Variants in TMIGD1 observed in about 807,000 individuals in gnomAD.
TMIGD1 encodes transmembrane and immunoglobulin domain-containing protein 1.
TMIGD1 carries 29 observed loss-of-function variants against 27.5 expected under a neutral mutation model. The ratio of observed to expected loss-of-function variants is 1.05; its 90% confidence interval spans 0.78 to 1.44. The LOEUF (loss-of-function observed/expected upper bound fraction) is 1.44, where lower values mean the gene tolerates loss of function less well. Among genes scored for constraint, TMIGD1 ranks in the 40% most tolerant of loss-of-function variants. The probability of loss-of-function intolerance (pLI) is 0.00; values close to 1 mark genes in which losing one functional copy is unlikely to be tolerated. For synonymous variants in TMIGD1, 109 were observed against 110.3 expected, an observed-to-expected ratio of 0.99 and a Z score of 0.07; for missense variants, 334 against 310.6, an observed-to-expected ratio of 1.08 and a Z score of -0.57.
chr17:30,325,185 T>C (rs531791627), intron 3 of TMIGD1, 91 bp from the exon 4 acceptor site: 7 of 1,383,026 alleles, frequency 5.1e-6, no homozygotes, highest in Non-Finnish European at 6.9e-6. Context: ...TCTCATGTGG[T>C]CATTTATTCA....
chr17:30,317,502 T>A (rs1909454772), intron 5 of TMIGD1, among the ~76,000 whole-genome samples: 2 of 152,166 alleles, frequency 1.3e-5, no homozygotes, highest in African/African-American at 4.8e-5. Context: ...CTCACACCTG[T>A]AATCCCAGAA....
At chr17:30,321,906 G>A (rs921875566) in intron 4 of TMIGD1, among the ~76,000 whole-genome samples, 4 of 152,100 alleles carry the variant, frequency 2.6e-5, no homozygotes, top group African/African-American at 9.7e-5. Context: ...ATGGCTCACT[G>A]CAGCGTCGAC....
At chr17:30,322,267 C>T (rs1909643762) in intron 4 of TMIGD1, among the ~76,000 whole-genome samples, 1 of 152,198 alleles carries the variant, frequency 6.6e-6, no homozygotes, top group Admixed American at 6.5e-5. Flanking sequence ...AAACTTTGCT[C>T]AGGGAGCCTT....
In TMIGD1 at chr17:30,325,028, C is replaced by A. The variant is rs141569425; in HGVS notation, c.428G>T (p.Cys143Phe). 232 of 1,613,962 alleles carry A rather than the reference C, an allele frequency of 1.4e-4. No homozygotes were observed. Among genetic ancestry groups the A allele is most frequent in the Middle Eastern group, 3.3e-4 (2 of 6,082 alleles). ...AGCCTGGGGGTTGGCTTTCACATTGCAAACCAACTTCACATTACTGCCTTC... is the reference window on the plus strand; with the variant it reads ...AGCCTGGGGGTTGGCTTTCACATTGAAAACCAACTTCACATTACTGCCTTC... ...VEEGSNVKLV[C>F]NVKANPQAQM... is the part of the protein sequence containing the mutation. Residue 143 changes from cysteine to phenylalanine, a missense_variant, in exon 4 of 7, where the codon TGC (cysteine) becomes TTC (phenylalanine). Cys to Phe is a radical substitution (Grantham distance 205). Coordinates refer to ENST00000328886, the MANE Select transcript of TMIGD1 (RefSeq NM_206832.3).
chr17:30,331,732 G>T (rs1482748139), intron 2 of TMIGD1, among the ~76,000 whole-genome samples: 1 of 152,106 alleles, frequency 6.6e-6, no homozygotes, highest in Non-Finnish European at 1.5e-5. Context: ...GGAACTACAG[G>T]CGCCTGCCAG....
At chr17:30,322,361 G>A (rs940975372) in intron 4 of TMIGD1, among the ~76,000 whole-genome samples, 2 of 152,044 alleles carry the variant, frequency 1.3e-5, no homozygotes, top group African/African-American at 4.8e-5. Flanking sequence ...CCCTCTATTT[G>A]CAAGATATCA....
chr17:30,331,908 A>T (rs1909991024), intron 2 of TMIGD1, 144 bp downstream of exon 2: 1 of 577,916 alleles, frequency 1.7e-6, no homozygotes. Flanking sequence ...TTTTATTGTT[A>T]GTTGACTCCT....
chr17:30,320,107 G>A (rs1361951985), intron 4 of TMIGD1, among the ~76,000 whole-genome samples: 4 of 151,160 alleles, frequency 2.6e-5, no homozygotes, highest in East Asian at 3.9e-4. Flanking sequence ...GTGCAATCTC[G>A]GCTCACTGCA....
Position 30,329,905 on chromosome 17 carries a change from T to C in TMIGD1, c.83-376A>G, listed in dbSNP as rs549594032. ...GGGTAACATAGTGAGACTCCGTCTC[T>C]ACAAAAAATAAAAAAATAAAAAAAA... On this transcript the variant is annotated intron_variant, in intron 2 of 6. Transcript: ENST00000328886. Among the ~76,000 whole-genome samples, 45 of 138,400 alleles carry C rather than the reference T, an allele frequency of 3.3e-4. 1 individual carries two copies. The South Asian group carries it at 9.5e-3, about 29-fold the overall frequency. 90.8% of individuals were successfully genotyped at this position (138,400 alleles called of 152,430 possible). A position where few individuals can be genotyped will look rare whatever the true frequency, so the allele number is the denominator to read the frequency against.
At chr17:30,333,046 A>G (rs1910033225) in intron 1 of TMIGD1, among the ~76,000 whole-genome samples, 1 of 152,126 alleles carries the variant, frequency 6.6e-6, no homozygotes, top group Non-Finnish European at 1.5e-5. Flanking sequence ...ATTTGAACCC[A>G]GACTCCCAAG....
chr17:30,331,185 A>T (rs1348067383), intron 2 of TMIGD1, among the ~76,000 whole-genome samples: 1 of 152,212 alleles, frequency 6.6e-6, no homozygotes. Flanking sequence ...ACAAAGTGAG[A>T]CTTCTTCTCA....
chr17:30,319,781 T>C (rs1909556968), intron 4 of TMIGD1, among the ~76,000 whole-genome samples: 1 of 151,952 alleles, frequency 6.6e-6, no homozygotes. Context: ...TGGGGAGCCT[T>C]GTACCTGTAC....
intron 3 of TMIGD1, among the ~76,000 whole-genome samples, chr17:30,328,068 A>G (rs1394490516): frequency 2.1e-5 from 3 of 146,182 alleles, no homozygotes; most frequent in African/African-American, 7.6e-5. Flanking sequence ...TGGGTCTCAC[A>G]CTGTTGCCCA....
At position 30,322,017 on chromosome 17, in the gene TMIGD1, C is replaced by T. The variant is rs141476984; in HGVS notation, c.640+2799G>A. 4.5e-4 allele frequency among the ~76,000 whole-genome samples: 68 copies of T among 152,222 alleles called. 1 individual carries two copies. The Middle Eastern group carries it at 0.01, about 23-fold the overall frequency. On this transcript the variant is annotated intron_variant, in intron 4 of 6. Coordinates refer to ENST00000328886, the MANE Select transcript of TMIGD1 (RefSeq NM_206832.3). ...TTAATTTTTTGATTTGATGTAGAGA[C>T]AGGGTTCCAATATGTTGCCCAGGCT...
chr17:30,316,967 C>T, intron 6 of TMIGD1: 1 of 628,320 alleles, frequency 1.6e-6, no homozygotes, highest in Non-Finnish European at 2.8e-6. Context: ...TGGGCAAACT[C>T]ACTTAAAGAG....
chr17:30,329,006 AAAAAG>A (rs976309264), intron 3 of TMIGD1, among the ~76,000 whole-genome samples: 5 of 147,450 alleles, frequency 3.4e-5, no homozygotes, highest in Admixed American at 7.0e-5. Flanking sequence ...AAGAAAAAGA[AAAAAG>A]AAAAGAAAAG....
intron 3 of TMIGD1, among the ~76,000 whole-genome samples, chr17:30,328,098 C>T (rs2143172471): frequency 6.7e-6 from 1 of 149,688 alleles, no homozygotes; most frequent in South Asian, 2.1e-4. Context: ...GCAGTGGTGG[C>T]ATCTCAGCTC....
chr17:30,327,536 T>C (rs1399908628), intron 3 of TMIGD1, among the ~76,000 whole-genome samples: 2 of 151,914 alleles, frequency 1.3e-5, no homozygotes, highest in African/African-American at 4.8e-5. Context: ...TTAGTTTCCT[T>C]AGCTGGCTTT....
intron 3 of TMIGD1, among the ~76,000 whole-genome samples, chr17:30,328,188 C>T (rs771227053): frequency 1.2e-4 from 18 of 152,052 alleles, no homozygotes; most frequent in Non-Finnish European, 2.1e-4. Flanking sequence ...GTGCCTACCA[C>T]CGCACCTGGC....
Sources: allele counts gnomAD v4.1 joint callset (sites outside exome capture counted in the v4.1 genomes callset), GRCh38; gene constraint gnomAD v4.1.1; transcripts MANE v1.5; gene names NCBI Gene and HGNC (gene_info 2026-07-23, HGNC 2026-07-21).